The following GTF2IRD1 variants were observed in gnomAD, a reference collection of about 807,000 sequenced individuals.
GTF2IRD1 encodes the protein GTF2I repeat domain containing 1.
GTF2IRD1 carries 26 observed loss-of-function variants against 113.2 expected under a neutral mutation model. That is an observed-to-expected ratio of 0.23 (90% CI 0.17 to 0.32). The LOEUF (loss-of-function observed/expected upper bound fraction) is 0.32. Among genes scored for constraint, GTF2IRD1 ranks in the 10% least tolerant of loss-of-function variants. GTF2IRD1 has a pLI of 1.00. For missense variants in GTF2IRD1, 864 were observed against 1,280.8 expected, an observed-to-expected ratio of 0.67 and a Z score of 4.97; for synonymous variants, 484 against 529.1, an observed-to-expected ratio of 0.91 and a Z score of 1.17.
chr7:74,552,252 T>TTA (rs1799353137), intron 17 of GTF2IRD1, among the ~76,000 whole-genome samples: 1 of 151,928 alleles, frequency 6.6e-6, no homozygotes, highest in Non-Finnish European at 1.5e-5. Flanking sequence ...GAGAGGTGGC[T>TTA]CACGCCTGTA....
chr7:74,551,946 TA>T (rs1288449484), intron 17 of GTF2IRD1, among the ~76,000 whole-genome samples: 3 of 151,516 alleles, frequency 2.0e-5, no homozygotes, highest in East Asian at 3.9e-4. Context: ...AAAAAATAAA[TA>T]AATAAAAATA....
chr7:74,487,279 C>CT (rs1361832521), intron 1 of GTF2IRD1: 1 of 152,208 alleles, frequency 6.6e-6, no homozygotes, highest in East Asian at 1.9e-4. Flanking sequence ...CTCAGGTTAT[C>CT]GACCGCCTCG....
At chr7:74,552,316 C>T (rs587653180) in intron 17 of GTF2IRD1, among the ~76,000 whole-genome samples, 4 of 152,180 alleles carry the variant, frequency 2.6e-5, no homozygotes, top group Admixed American at 6.5e-5. Flanking sequence ...GTCAGAAGTT[C>T]GAGACCAGCC....
At chr7:74,582,853 A>G (rs1188097260) in intron 22 of GTF2IRD1, among the ~76,000 whole-genome samples, 1 of 152,076 alleles carries the variant, frequency 6.6e-6, no homozygotes, top group Non-Finnish European at 1.5e-5. Flanking sequence ...AAAAAAATGT[A>G]GCCTGGGCAA....
intron 11 of GTF2IRD1, among the ~76,000 whole-genome samples, 198 bp downstream of exon 11, chr7:74,536,473 C>T (rs1798304830): frequency 6.6e-6 from 1 of 152,192 alleles, no homozygotes; most frequent in Non-Finnish European, 1.5e-5. Context: ...TCTCCCGCCC[C>T]CAACATCTAG....
At chr7:74,455,247 A>C (rs1792890421) in intron 1 of GTF2IRD1, among the ~76,000 whole-genome samples, 1 of 152,176 alleles carries the variant, frequency 6.6e-6, no homozygotes, top group Non-Finnish European at 1.5e-5. Context: ...GCCAAGGGGT[A>C]CCCCGGGATG....
chr7:74,515,064 A>G (rs1554344220), intron 3 of GTF2IRD1, among the ~76,000 whole-genome samples: 1 of 151,436 alleles, frequency 6.6e-6, no homozygotes, highest in South Asian at 2.1e-4. Context: ...CTCAAAAAAA[A>G]AAAAAAAAAA....
At chr7:74,582,539 A>G (rs1160582529) in intron 22 of GTF2IRD1, among the ~76,000 whole-genome samples, 17 of 152,276 alleles carry the variant, frequency 1.1e-4, no homozygotes, top group African/African-American at 3.6e-4. Context: ...GATGACAGGC[A>G]TGAGCCACTG....
intron 22 of GTF2IRD1, among the ~76,000 whole-genome samples, chr7:74,562,165 G>A (rs587743374): frequency 5.3e-5 from 8 of 152,358 alleles, no homozygotes; most frequent in African/African-American, 1.2e-4. Context: ...CACGGTTCCC[G>A]AAGCCTGGCC....
At chr7:74,544,459 T>C (rs1445678937) in intron 14 of GTF2IRD1, among the ~76,000 whole-genome samples, 2 of 152,230 alleles carry the variant, frequency 1.3e-5, no homozygotes, top group Non-Finnish European at 1.5e-5. Flanking sequence ...GTGCTGGGAT[T>C]ACAGGTGTGA....
At chr7:74,462,231 T>C (rs1793419112) in intron 1 of GTF2IRD1, among the ~76,000 whole-genome samples, 1 of 151,002 alleles carries the variant, frequency 6.6e-6, no homozygotes, top group Non-Finnish European at 1.5e-5. Context: ...TAGCCGGGTG[T>C]GGTGATGTGT....
At chr7:74,528,869 AGATGGATGGATGGATGGATG>A (rs781849655) in intron 8 of GTF2IRD1, among the ~76,000 whole-genome samples, 12 of 101,676 alleles carry the variant, frequency 1.2e-4, no homozygotes, top group Admixed American at 3.2e-4. Context: ...ATGAATGGGC[AGATGGATGGATGGATGGATG>A]GATGGATGGA....
intron 1 of GTF2IRD1, among the ~76,000 whole-genome samples, chr7:74,481,764 G>T (rs1210857790): frequency 1.3e-5 from 2 of 152,198 alleles, no homozygotes; most frequent in African/African-American, 4.8e-5. Context: ...AAACATCTTT[G>T]CATGTAAATC....
intron 1 of GTF2IRD1, among the ~76,000 whole-genome samples, chr7:74,462,644 G>A (rs184668499): frequency 1.3e-5 from 2 of 152,286 alleles, no homozygotes; most frequent in Admixed American, 6.5e-5. Flanking sequence ...GAAGAAGGTG[G>A]TTCCTCTTTC....
At chr7:74,584,315 G>A (rs190119157) in intron 22 of GTF2IRD1, among the ~76,000 whole-genome samples, 3 of 152,086 alleles carry the variant, frequency 2.0e-5, no homozygotes, top group African/African-American at 7.2e-5. Context: ...TGTGGTGGCG[G>A]GTACCTGTAA....
chr7:74,497,923 C>T (rs535927003), intron 1 of GTF2IRD1, among the ~76,000 whole-genome samples: 1 of 152,256 alleles, frequency 6.6e-6, no homozygotes, highest in Non-Finnish European at 1.5e-5. Context: ...AGGCTGGTCT[C>T]GAACTCCTGA....
chr7:74,568,360 G>GAAA (rs1800460903), intron 22 of GTF2IRD1, among the ~76,000 whole-genome samples: 1 of 50,970 alleles, frequency 2.0e-5, no homozygotes, highest in Non-Finnish European at 4.1e-5. Flanking sequence ...AAAAAAGAAG[G>GAAA]AGAAAGGGCC....
chr7:74,589,317 C>T (rs1475713283), intron 22 of GTF2IRD1, among the ~76,000 whole-genome samples: 1 of 152,076 alleles, frequency 6.6e-6, no homozygotes, highest in Non-Finnish European at 1.5e-5. Flanking sequence ...CTATGATCCA[C>T]TGCTGCCTTC....
chr7:74,591,219 CTCTG>C (rs1554369553), intron 24 of GTF2IRD1, among the ~76,000 whole-genome samples: 1 of 151,726 alleles, frequency 6.6e-6, no homozygotes, highest in Non-Finnish European at 1.5e-5. Context: ...TACATTTGTT[CTCTG>C]GGGAAAAAAC....
Sources: gnomAD v4.1 joint callset for allele counts (sites outside exome capture counted in the v4.1 genomes callset) on GRCh38, gnomAD v4.1.1 for gene constraint, MANE v1.5 for transcripts, NCBI Gene and HGNC (gene_info 2026-07-23, HGNC 2026-07-21) for gene names.